HELZ: variants seen among roughly 807,000 people sequenced by gnomAD.
HELZ encodes the protein helicase with zinc finger.
HELZ carries 23 observed loss-of-function variants against 218.2 expected under a neutral mutation model. The observed-to-expected ratio is 0.11, with a 90% confidence interval of 0.08 to 0.15. The LOEUF is 0.15. Among genes scored for constraint, HELZ ranks in the 10% least tolerant of loss-of-function variants. The pLI is 1.00. For missense variants in HELZ, 1,813 were observed against 2,353.7 expected (o/e 0.77, Z 4.75); for synonymous variants, 814 against 829.4 (o/e 0.98, Z 0.32).
At chr17:67,239,934 A>G (rs2041277892) in intron 2 of HELZ, 1 of 152,216 alleles carries the variant, frequency 6.6e-6, no homozygotes, top group Admixed American at 6.5e-5. Flanking sequence ...TATGAGAATT[A>G]AAGGAGATGA....
At chr17:67,158,237 T>A (rs1002685337) in intron 17 of HELZ, among the ~76,000 whole-genome samples, 19 of 152,196 alleles carry the variant, frequency 1.2e-4, no homozygotes, top group African/African-American at 4.6e-4. Flanking sequence ...AAACTCTTCA[T>A]GAGCCTTGCT....
At chr17:67,151,309 A>C in intron 17 of HELZ, 85 bp from the exon 18 acceptor site, 3 of 1,093,166 alleles carry the variant, frequency 2.7e-6, no homozygotes, top group Non-Finnish European at 2.7e-6. Flanking sequence ...TTGTTATTTT[A>C]AGATGGTAAT....
At chr17:67,195,785 T>G (rs1402035995) in intron 7 of HELZ, among the ~76,000 whole-genome samples, 1 of 151,508 alleles carries the variant, frequency 6.6e-6, no homozygotes, top group Non-Finnish European at 1.5e-5. Flanking sequence ...TTATTCACTT[T>G]ACTCTCCTCT....
intron 30 of HELZ, 38 bp from the exon 31 acceptor site, chr17:67,107,723 G>A: frequency 6.4e-7 from 1 of 1,558,594 alleles, no homozygotes; most frequent in South Asian, 1.2e-5. Context: ...GAAAACAAAA[G>A]GCTCCATCAC....
chr17:67,245,405 T>A, upstream of HELZ: 1 of 845,434 alleles, frequency 1.2e-6, no homozygotes, highest in African/African-American at 1.8e-5. Context: ...AAAACGTGGC[T>A]TTGGGGTTTT....
intron 28 of HELZ, among the ~76,000 whole-genome samples, chr17:67,109,947 ATTCCT>A (rs1182590418): frequency 6.6e-6 from 1 of 152,208 alleles, no homozygotes; most frequent in East Asian, 1.9e-4. Context: ...ATCTACTTTA[ATTCCT>A]TTCAGGGCAT....
intron 31 of HELZ, among the ~76,000 whole-genome samples, chr17:67,090,413 G>A (rs540447567): frequency 6.6e-6 from 1 of 152,090 alleles, no homozygotes; most frequent in African/African-American, 2.4e-5. Context: ...AGTAATGCTG[G>A]CCATATACAA....
rs2035955590 is a variant in HELZ at position 67,073,986 on chromosome 17, T to A, written c.*4266A>T. Reference sequence around the variant, plus strand: ...TGGAGATGGTGTCTTTGTAAGTGATTGGCACCACTACGTGATATTTTGAAC... The same window carrying A: ...TGGAGATGGTGTCTTTGTAAGTGATAGGCACCACTACGTGATATTTTGAAC... On this transcript the variant is annotated 3_prime_UTR_variant, in exon 33 of 33. Transcript: ENST00000358691. 1 of 152,176 alleles carries A rather than the reference T, an allele frequency of 6.6e-6. No individual in the cohort carries two copies. The highest frequency in any genetic ancestry group is 6.5e-5 in the Admixed American group (1 of 15,286). 9.4% of individuals were successfully genotyped at this position (152,176 alleles called of 1,614,324 possible).
rs1422438953 is a variant in HELZ, at chr17:67,070,724, T to C, written c.*7528A>G. ...ACAAAGTCACTTTTACTTTTAAGGA[T>C]AAACTCTTTAGGTATTAGAGCCTCT... On this transcript the variant is annotated 3_prime_UTR_variant, in exon 33 of 33. Coordinates refer to ENST00000358691, the MANE Select transcript of HELZ (RefSeq NM_014877.4). 6.6e-6 allele frequency: 1 copy of C among 152,206 alleles called. No individual in the cohort carries two copies. The highest frequency in any genetic ancestry group is 2.4e-5 in the African/African-American group (1 of 41,446). The allele number at this position is 152,206 out of a possible 1,614,324, so 9.4% of individuals were successfully genotyped here. A position where few individuals can be genotyped will look rare whatever the true frequency, so the allele number is the denominator to read the frequency against.
intron 15 of HELZ, among the ~76,000 whole-genome samples, chr17:67,165,337 A>G (rs1291309281): frequency 6.6e-6 from 1 of 152,114 alleles, no homozygotes; most frequent in Non-Finnish European, 1.5e-5. Context: ...ATGTGAGGGG[A>G]AGTGATATAT....
At chr17:67,229,202 G>A (rs748350640) in intron 3 of HELZ, among the ~76,000 whole-genome samples, 1 of 152,066 alleles carries the variant, frequency 6.6e-6, no homozygotes, top group African/African-American at 2.4e-5. Context: ...TAATGTCAAA[G>A]CTCATTAACA....
intron 3 of HELZ, among the ~76,000 whole-genome samples, chr17:67,221,831 CTGTTTTTTG>C (rs2040752628): frequency 6.7e-6 from 1 of 149,156 alleles, no homozygotes; most frequent in African/African-American, 2.5e-5. Context: ...GTTGTTGTTG[CTGTTTTTTG>C]TGTTTTTTTT....
intron 19 of HELZ, among the ~76,000 whole-genome samples, chr17:67,149,110 T>TA (rs1222852564): frequency 7.9e-5 from 12 of 152,160 alleles, no homozygotes; most frequent in Non-Finnish European, 1.3e-4. Flanking sequence ...AGCCTACCAC[T>TA]AAAAAATCAT....
At chr17:67,208,846 AG>A (rs1256198213) in intron 5 of HELZ, among the ~76,000 whole-genome samples, 1 of 151,794 alleles carries the variant, frequency 6.6e-6, no homozygotes. Context: ...CTGGGGTGGG[AG>A]GATCACCTGA....
intron 31 of HELZ, among the ~76,000 whole-genome samples, chr17:67,102,812 A>G (rs965128001): frequency 6.6e-6 from 1 of 152,206 alleles, no homozygotes; most frequent in Non-Finnish European, 1.5e-5. Flanking sequence ...ATGCAACAAA[A>G]TAAAACTGAC....
At chr17:67,156,365 C>G (rs2038842651) in intron 17 of HELZ, among the ~76,000 whole-genome samples, 2 of 152,018 alleles carry the variant, frequency 1.3e-5, no homozygotes, top group South Asian at 2.1e-4. Context: ...TACTTAAATC[C>G]TCATATTCTC....
At chr17:67,239,127 G>A (rs971419157) in intron 3 of HELZ, among the ~76,000 whole-genome samples, 1 of 152,170 alleles carries the variant, frequency 6.6e-6, no homozygotes, top group Admixed American at 6.5e-5. Context: ...AAAAACTGAA[G>A]GACCTCTCAA....
intron 31 of HELZ, among the ~76,000 whole-genome samples, chr17:67,092,895 G>A (rs550367046): frequency 3.3e-5 from 5 of 151,458 alleles, no homozygotes; most frequent in East Asian, 1.9e-4. Context: ...AAACCGGCGG[G>A]GGGGGGAAGT....
At chr17:67,199,346 G>A (rs1400425298) in intron 7 of HELZ, among the ~76,000 whole-genome samples, 3 of 151,398 alleles carry the variant, frequency 2.0e-5, no homozygotes, top group Non-Finnish European at 4.4e-5. Flanking sequence ...CTGAGTAGCT[G>A]GGATTACAGG....
Sources: gnomAD v4.1 joint callset for allele counts (sites outside exome capture counted in the v4.1 genomes callset) on GRCh38, gnomAD v4.1.1 for gene constraint, MANE v1.5 for transcripts, NCBI Gene and HGNC (gene_info 2026-07-23, HGNC 2026-07-21) for gene names.